SATL1: variants seen among roughly 807,000 people sequenced by gnomAD.
SATL1 encodes the protein spermidine/spermine N1-acetyl transferase like 1.
A neutral mutation model predicts 51.8 loss-of-function variants in SATL1; 47 were observed. The ratio of observed to expected loss-of-function variants is 0.91; its 90% CI spans 0.72 to 1.16. The LOEUF (loss-of-function observed/expected upper bound fraction) is 1.16, where lower values mean the gene tolerates loss of function less well. Ranked by LOEUF, SATL1 falls within the 50% of genes most tolerant of loss-of-function variation. SATL1 has a pLI of 0.00. For synonymous variants in SATL1, 176 were observed against 182.4 expected, an observed-to-expected ratio of 0.97 and a Z score of 0.28; for missense variants, 520 against 526.4, an observed-to-expected ratio of 0.99 and a Z score of 0.12.
chrX:85,111,999 G>A (rs1480943734), intron 2 of SATL1, among the ~76,000 whole-genome samples: 1 of 111,693 alleles, frequency 9.0e-6, no homozygotes, highest in Admixed American at 9.5e-5. Flanking sequence ...TAGACTGAGG[G>A]GCATAAGGTG....
intron 2 of SATL1, among the ~76,000 whole-genome samples, chrX:85,157,058 C>T (rs931917835): frequency 9.3e-6 from 1 of 107,029 alleles, no homozygotes; most frequent in African/African-American, 3.4e-5. Context: ...TGTTTTAAAT[C>T]GAACAAATCA....
chrX:85,164,443 T>A (rs749743821), intron 2 of SATL1, among the ~76,000 whole-genome samples: 1 of 111,982 alleles, frequency 8.9e-6, no homozygotes, highest in Non-Finnish European at 1.9e-5. Flanking sequence ...TAGTGGTGAA[T>A]GCTCTTAGCA....
At chrX:85,092,721 G>C in intron 7 of SATL1, 160 bp from the exon 8 acceptor site, 1 of 478,485 alleles carries the variant, frequency 2.1e-6, no homozygotes, top group Non-Finnish European at 3.3e-6. Context: ...GCTGTAAAAA[G>C]AAAAAAGTCT....
intron 2 of SATL1, among the ~76,000 whole-genome samples, chrX:85,168,983 T>A (rs1444837431): frequency 9.0e-6 from 1 of 111,489 alleles, no homozygotes; most frequent in Non-Finnish European, 1.9e-5. Flanking sequence ...CCTATAACCA[T>A]CCGATCTTTG....
At chrX:85,131,425 C>A (rs1415907094) in intron 2 of SATL1, among the ~76,000 whole-genome samples, 1 of 110,747 alleles carries the variant, frequency 9.0e-6, no homozygotes, top group Non-Finnish European at 1.9e-5. Context: ...CTCTTTTGGT[C>A]TTTGCTGGTT....
rs990383514 is a variant in SATL1 at position 85,109,383 on chromosome X, T to A, written c.-312-103A>T. ...CACTGCATCATAATGGCGGTCACAATGCAGGTATCAAAGTGCCTACGTGCT... is the reference window on the plus strand; with the variant it reads ...CACTGCATCATAATGGCGGTCACAAAGCAGGTATCAAAGTGCCTACGTGCT... On this transcript the variant is annotated intron_variant, in intron 2 of 7. Transcript: ENST00000644105. 5.9e-4 allele frequency: 110 copies of A among 185,679 alleles called. 1 individual carries two copies. Among genetic ancestry groups the A allele is most frequent in the Non-Finnish European group, 7.3e-4 (74 of 101,265 alleles). The allele number at this position is 185,679 out of a possible 1,213,427, so 15.3% of individuals were successfully genotyped here.
At chrX:85,136,639 T>A (rs1369177256) in intron 2 of SATL1, among the ~76,000 whole-genome samples, 1 of 111,578 alleles carries the variant, frequency 9.0e-6, no homozygotes, top group African/African-American at 3.3e-5. Context: ...AACCTTGGTG[T>A]ATACAGTTTC....
intron 2 of SATL1, among the ~76,000 whole-genome samples, chrX:85,157,468 A>G (rs1429809364): frequency 5.4e-5 from 6 of 111,161 alleles, no homozygotes; most frequent in Non-Finnish European, 1.1e-4. Flanking sequence ...TTTCCCAATT[A>G]TTTTCTAGAT....
intron 2 of SATL1, among the ~76,000 whole-genome samples, chrX:85,172,216 G>A (rs1207053069): frequency 2.7e-5 from 3 of 111,320 alleles, no homozygotes; most frequent in African/African-American, 9.8e-5. Context: ...GAGGATATAC[G>A]CATGTATGTG....
At chrX:85,132,805 T>A (rs1925845159) in intron 2 of SATL1, among the ~76,000 whole-genome samples, 2 of 112,103 alleles carry the variant, frequency 1.8e-5, no homozygotes, top group Admixed American at 1.9e-4. Context: ...ATGTTTGCGC[T>A]TTGATGATGG....
intron 2 of SATL1, among the ~76,000 whole-genome samples, chrX:85,220,953 A>G (rs1013843480): frequency 9.0e-6 from 1 of 111,038 alleles, no homozygotes; most frequent in African/African-American, 3.3e-5. Context: ...CTGAAATACC[A>G]CCACCTTTTC....
At chrX:85,104,113 A>AAG (rs763036355) in intron 3 of SATL1, among the ~76,000 whole-genome samples, 198 bp from the exon 4 acceptor site, 1 of 112,018 alleles carries the variant, frequency 8.9e-6, no homozygotes, top group African/African-American at 3.2e-5. Context: ...AATATTATTA[A>AAG]AGAGAGAGAT....
At chrX:85,093,112 T>G in intron 7 of SATL1, 73 bp downstream of exon 7, 1 of 994,451 alleles carries the variant, frequency 1.0e-6, no homozygotes, top group South Asian at 2.3e-5. Context: ...ATTAATGATT[T>G]AATTTATGCC....
chrX:85,191,994 C>G (rs1190134513), intron 2 of SATL1, among the ~76,000 whole-genome samples: 1 of 112,115 alleles, frequency 8.9e-6, no homozygotes, highest in South Asian at 3.7e-4. Flanking sequence ...AAGACAGAAA[C>G]ATAGACTTGA....
At chrX:85,235,619 T>G (rs1404121913) in intron 1 of SATL1, among the ~76,000 whole-genome samples, 1 of 110,943 alleles carries the variant, frequency 9.0e-6, no homozygotes, top group Non-Finnish European at 1.9e-5. Context: ...AGAAGGAAAC[T>G]GAAAAATTTA....
chrX:85,238,505 A>G (rs1233397437), intron 1 of SATL1, among the ~76,000 whole-genome samples: 2 of 111,462 alleles, frequency 1.8e-5, no homozygotes, highest in African/African-American at 6.5e-5. Context: ...GGAGCTAAAA[A>G]TTAAAACAAT....
intron 2 of SATL1, among the ~76,000 whole-genome samples, chrX:85,192,001 T>C (rs1236390458): frequency 8.9e-6 from 1 of 112,159 alleles, no homozygotes; most frequent in Non-Finnish European, 1.9e-5. Flanking sequence ...AAACATAGAC[T>C]TGATCCTTGA....
intron 2 of SATL1, among the ~76,000 whole-genome samples, chrX:85,148,323 C>A (rs1926317709): frequency 9.1e-6 from 1 of 109,733 alleles, no homozygotes; most frequent in African/African-American, 3.3e-5. Context: ...TGTGAAAAGA[C>A]CAAATCTACG....
At chrX:85,155,054 C>T (rs1322479081) in intron 2 of SATL1, among the ~76,000 whole-genome samples, 1 of 111,514 alleles carries the variant, frequency 9.0e-6, no homozygotes, top group East Asian at 2.8e-4. Flanking sequence ...ATGAGATAAA[C>T]TCTCCAACCT....
Sources: allele counts gnomAD v4.1 joint callset (sites outside exome capture counted in the v4.1 genomes callset), GRCh38; gene constraint gnomAD v4.1.1; transcripts MANE v1.5; gene names NCBI Gene and HGNC (gene_info 2026-07-23, HGNC 2026-07-21).